The following ZNF704 variants were observed in gnomAD, a reference collection of about 807,000 sequenced individuals.
ZNF704 encodes glucocorticoid induced gene 1.
In ZNF704, 10 loss-of-function variants were observed where a neutral mutation model predicts 44.7. The ratio of observed to expected loss-of-function variants is 0.22; its 90% CI spans 0.14 to 0.38. The LOEUF (loss-of-function observed/expected upper bound fraction) is 0.38. Ranked by LOEUF, ZNF704 falls within the 10% of genes least tolerant of loss-of-function variation. ZNF704 has a pLI of 1.00. For missense variants in ZNF704, 390 were observed against 545.5 expected, an observed-to-expected ratio of 0.71 and a Z score of 2.84; for synonymous variants, 211 against 207.6, an observed-to-expected ratio of 1.02 and a Z score of -0.14.
intron 2 of ZNF704, among the ~76,000 whole-genome samples, chr8:80,766,208 C>T (rs1014074041): frequency 1.3e-5 from 2 of 152,040 alleles, no homozygotes; most frequent in Non-Finnish European, 2.9e-5. Flanking sequence ...CATCCAAACT[C>T]GGCCAACAGG....
chr8:80,833,068 C>A (rs192988502), intron 1 of ZNF704, among the ~76,000 whole-genome samples: 118 of 152,268 alleles, frequency 7.7e-4, no homozygotes, highest in East Asian at 4.2e-3. Flanking sequence ...TTACTGCTGG[C>A]CAGGCGCGGT....
In ZNF704 at chr8:80,636,425, T is replaced by C. The variant is rs913992527; in HGVS notation, c.*4941A>G. On this transcript the variant is annotated 3_prime_UTR_variant, in exon 9 of 9. Coordinates refer to ENST00000327835, the MANE Select transcript of ZNF704 (RefSeq NM_001033723.3). ...AAGTCAGTCATAATAAGCAAACCAG[T>C]TGGTCTTAAATACATTTTATACTTT... 9 of 152,214 alleles carry C rather than the reference T, an allele frequency of 5.9e-5. No homozygotes were observed. Among genetic ancestry groups the C allele is most frequent in the African/African-American group, 9.6e-5 (4 of 41,466 alleles). 9.4% of individuals were successfully genotyped at this position (152,214 alleles called of 1,614,324 possible). A position where few individuals can be genotyped will look rare whatever the true frequency, so the allele number is the denominator to read the frequency against.
intron 2 of ZNF704, among the ~76,000 whole-genome samples, chr8:80,713,633 GATA>G (rs1297921121): frequency 1.3e-5 from 2 of 152,230 alleles, no homozygotes; most frequent in Non-Finnish European, 2.9e-5. Context: ...GGAGAAGAGA[GATA>G]ATGCAGAAGT....
rs1819142223 is a variant in ZNF704 at position 80,720,189 on chromosome 8, A to C, written c.222-27082T>G. 2.0e-5 allele frequency among the ~76,000 whole-genome samples: 3 copies of C among 152,264 alleles called. No individual in the cohort carries two copies. The South Asian group carries it at 6.2e-4, about 32-fold the overall frequency. ...ACTCCTTGGACATCAGCCTCAGTCC[A>C]TGTGGCATCTGAGGTTGACAAGCTC... On this transcript the variant is annotated intron_variant, in intron 2 of 8. Transcript: ENST00000327835.
At chr8:80,821,746 A>C (rs1808275163) in intron 1 of ZNF704, 131 bp from the exon 2 acceptor site, 1 of 676,062 alleles carries the variant, frequency 1.5e-6, no homozygotes, top group East Asian at 2.8e-5. Context: ...AATTTTAATA[A>C]GAAAAATGCA....
At chr8:80,703,814 G>C (rs1055303163) in intron 2 of ZNF704, among the ~76,000 whole-genome samples, 1 of 152,186 alleles carries the variant, frequency 6.6e-6, no homozygotes, top group Non-Finnish European at 1.5e-5. Context: ...GGACAAATAA[G>C]CATTAAGTAA....
chr8:80,659,660 C>G lies in ZNF704; in HGVS notation c.957G>C (p.Ser319=). 1.2e-6 allele frequency: 2 copies of G among 1,613,780 alleles called. No homozygotes were observed. Among genetic ancestry groups the G allele is most frequent in the Non-Finnish European group, 1.7e-6 (2 of 1,179,864 alleles). ...QATPPVTIPG[S]AKFTPNGSSF... ...TGCTGCCATTGGGGGTGAACTTGGCCGATCCTGGAATGGTCACAGGGGGTG... is the reference window on the plus strand; with the variant it reads ...TGCTGCCATTGGGGGTGAACTTGGCGGATCCTGGAATGGTCACAGGGGGTG... The change falls in exon 7 of 9, where the codon TCG becomes TCC. Residue 319 remains serine, a synonymous_variant. Transcript: ENST00000327835.
intron 4 of ZNF704, among the ~76,000 whole-genome samples, chr8:80,680,855 T>A (rs1373799950): frequency 6.6e-6 from 1 of 152,210 alleles, no homozygotes; most frequent in Non-Finnish European, 1.5e-5. Context: ...GTGAATTCAA[T>A]GTATACCAAG....
intron 2 of ZNF704, among the ~76,000 whole-genome samples, chr8:80,799,772 C>T (rs948525889): frequency 6.6e-6 from 1 of 152,136 alleles, no homozygotes; most frequent in African/African-American, 2.4e-5. Context: ...CAAATGACTG[C>T]AACACCTCTC....
chr8:80,882,791 C>G, the ZNF704 span, among the ~76,000 whole-genome samples: 8,527 of 152,138 alleles, frequency 0.056, 266 homozygotes, highest in Middle Eastern at 0.14. Flanking sequence ...ATCATAATTT[C>G]TTTTTACTAC....
chr8:80,642,978 T>A, intron 8 of ZNF704, 57 bp downstream of exon 8: 1 of 1,192,680 alleles, frequency 8.4e-7, no homozygotes, highest in African/African-American at 1.6e-5. Context: ...TCTGCTGTTC[T>A]GTTTTACAGT....
chr8:80,727,339 A>C (rs1806498472), intron 2 of ZNF704, among the ~76,000 whole-genome samples: 1 of 152,180 alleles, frequency 6.6e-6, no homozygotes, highest in Non-Finnish European at 1.5e-5. Flanking sequence ...AAGAGGGGAA[A>C]GATTCTGCTC....
intron 2 of ZNF704, among the ~76,000 whole-genome samples, chr8:80,775,887 G>T (rs1292797377): frequency 6.6e-6 from 1 of 152,144 alleles, no homozygotes; most frequent in Non-Finnish European, 1.5e-5. Flanking sequence ...TACAAAGAAA[G>T]TAAAAATGTT....
At chr8:80,856,503 C>T (rs890056252) in intron 1 of ZNF704, among the ~76,000 whole-genome samples, 2 of 152,146 alleles carry the variant, frequency 1.3e-5, no homozygotes, top group East Asian at 1.9e-4. Flanking sequence ...TTAGCTTTTA[C>T]ATTTATATCT....
chr8:80,833,975 TA>T (rs1208633862), intron 1 of ZNF704, among the ~76,000 whole-genome samples: 2 of 152,188 alleles, frequency 1.3e-5, no homozygotes, highest in African/African-American at 4.8e-5. Flanking sequence ...ACTGGAAGCC[TA>T]TGATTCTAAT....
chr8:80,661,215 G>GA (rs755235682), intron 6 of ZNF704, among the ~76,000 whole-genome samples: 2 of 152,178 alleles, frequency 1.3e-5, no homozygotes, highest in East Asian at 1.9e-4. Flanking sequence ...ACTAATATCA[G>GA]AAAAATGTGT....
At chr8:80,855,004 C>T (rs561789859) in intron 1 of ZNF704, among the ~76,000 whole-genome samples, 2 of 152,180 alleles carry the variant, frequency 1.3e-5, no homozygotes, top group South Asian at 4.2e-4. Flanking sequence ...AGCATTTACT[C>T]CTTTGAGTTA....
chr8:80,794,384 T>G (rs1807764130), intron 2 of ZNF704, among the ~76,000 whole-genome samples: 1 of 152,156 alleles, frequency 6.6e-6, no homozygotes, highest in South Asian at 2.1e-4. Context: ...AAAAGAGCAA[T>G]TATTAATAGC....
intron 2 of ZNF704, among the ~76,000 whole-genome samples, chr8:80,790,556 CTA>C (rs926457096): frequency 1.3e-5 from 2 of 152,028 alleles, no homozygotes; most frequent in Non-Finnish European, 2.9e-5. Flanking sequence ...AAATGGGAAA[CTA>C]TATGCAAGAA....
Sources: gnomAD v4.1 joint callset for allele counts (sites outside exome capture counted in the v4.1 genomes callset) on GRCh38, gnomAD v4.1.1 for gene constraint, MANE v1.5 for transcripts, NCBI Gene and HGNC (gene_info 2026-07-23, HGNC 2026-07-21) for gene names.